CALN1: variants seen among roughly 807,000 people sequenced by gnomAD.
CALN1 encodes calcium-binding protein 8.
A neutral mutation model predicts 30.6 loss-of-function variants in CALN1; 17 were observed. The observed-to-expected ratio is 0.56, with a 90% CI of 0.38 to 0.83. The LOEUF (loss-of-function observed/expected upper bound fraction) is 0.83, where lower values mean the gene tolerates loss of function less well. Ranked by LOEUF, CALN1 falls within the 40% of genes least tolerant of loss-of-function variation. CALN1 has a pLI of 0.00. For synonymous variants in CALN1, 156 were observed against 131.4 expected (o/e 1.19, Z -1.28); for missense variants, 291 against 354.9 (o/e 0.82, Z 1.45).
chr7:72,381,246 A>G (rs971781774), intron 2 of CALN1, among the ~76,000 whole-genome samples: 29 of 152,252 alleles, frequency 1.9e-4, no homozygotes, highest in African/African-American at 6.7e-4. Context: ...TGAGAGTGTA[A>G]ATTAGTTCAA....
At chr7:72,443,725 T>C (rs1215697681) in intron 1 of CALN1, among the ~76,000 whole-genome samples, 1 of 151,788 alleles carries the variant, frequency 6.6e-6, no homozygotes, top group Admixed American at 6.6e-5. Context: ...CCCCCATCCC[T>C]TTACTTGAGA....
intron 5 of CALN1, among the ~76,000 whole-genome samples, chr7:71,850,248 G>C (rs1790559219): frequency 6.6e-6 from 1 of 151,924 alleles, no homozygotes; most frequent in Non-Finnish European, 1.5e-5. Context: ...TGGAGTCTTG[G>C]TCTGTCACCC....
At chr7:71,796,473 C>T (rs1786930584) in intron 6 of CALN1, among the ~76,000 whole-genome samples, 1 of 151,424 alleles carries the variant, frequency 6.6e-6, no homozygotes, top group Admixed American at 6.6e-5. Context: ...GATTCTCCTG[C>T]CTCAGCCTCC....
chr7:72,257,011 G>T (rs1795957309), intron 3 of CALN1, among the ~76,000 whole-genome samples: 1 of 152,174 alleles, frequency 6.6e-6, no homozygotes, highest in Non-Finnish European at 1.5e-5. Flanking sequence ...CCAAGACTTG[G>T]TAATTTATAA....
At chr7:71,991,234 A>C (rs528082937) in intron 5 of CALN1, among the ~76,000 whole-genome samples, 26 of 152,132 alleles carry the variant, frequency 1.7e-4, no homozygotes, top group Non-Finnish European at 3.5e-4. Flanking sequence ...CAAGGCGGGC[A>C]GATCATCTGC....
chr7:72,490,047 G>A, the CALN1 span, among the ~76,000 whole-genome samples: 1 of 152,200 alleles, frequency 6.6e-6, no homozygotes, highest in African/African-American at 2.4e-5. Context: ...CAAAGGAATT[G>A]CAAGTAAAGC....
intron 5 of CALN1, among the ~76,000 whole-genome samples, chr7:71,928,447 G>GC (rs1795381926): frequency 4.1e-5 from 4 of 97,710 alleles, no homozygotes; most frequent in African/African-American, 1.2e-4. Flanking sequence ...ACTTTTAATG[G>GC]CAAAAAAAAA....
At chr7:72,330,566 ATATTTTTTATTGTGTCT>A in intron 2 of CALN1, among the ~76,000 whole-genome samples, 1 of 151,788 alleles carries the variant, frequency 6.6e-6, no homozygotes, top group South Asian at 2.1e-4. Context: ...TTTTATTTCC[ATATTTTTTATTGTGTCT>A]TACACCACTA....
At chr7:72,005,905 G>T (rs73368104) in intron 5 of CALN1, among the ~76,000 whole-genome samples, 5,435 of 152,200 alleles carry the variant, frequency 0.036, 323 homozygotes, top group African/African-American at 0.12. Flanking sequence ...ACACACATGT[G>T]ATAAAACTGT....
intron 3 of CALN1, among the ~76,000 whole-genome samples, chr7:72,149,238 G>T (rs1787025224): frequency 6.6e-6 from 1 of 152,036 alleles, no homozygotes; most frequent in East Asian, 1.9e-4. Context: ...GACCGAGGCG[G>T]GTGGATCACT....
At chr7:71,797,793 C>T (rs1787017395) in intron 6 of CALN1, among the ~76,000 whole-genome samples, 1 of 152,134 alleles carries the variant, frequency 6.6e-6, no homozygotes, top group African/African-American at 2.4e-5. Context: ...GGGACCTTCA[C>T]CACCACTCCA....
intron 3 of CALN1, among the ~76,000 whole-genome samples, chr7:72,141,528 T>C (rs1392579086): frequency 6.6e-6 from 1 of 152,104 alleles, no homozygotes; most frequent in African/African-American, 2.4e-5. Context: ...CAACCTTTTG[T>C]GTCCGAGGGC....
intron 6 of CALN1, among the ~76,000 whole-genome samples, chr7:71,809,474 A>AAAAAAG (rs1554342800): frequency 1.3e-5 from 2 of 151,382 alleles, no homozygotes; most frequent in East Asian, 3.9e-4. Context: ...CAAAAAAAAA[A>AAAAAAG]AAAAGAAAAG....
At chr7:72,127,053 G>A (rs113376385) in intron 3 of CALN1, among the ~76,000 whole-genome samples, 7 of 152,034 alleles carry the variant, frequency 4.6e-5, no homozygotes, top group South Asian at 2.1e-4. Context: ...CCAAAGGAGA[G>A]GAAGTAGTGT....
Position 72,278,503 on chromosome 7 carries a change from A to G in CALN1, c.244+183T>C, listed in dbSNP as rs567955154. On this transcript the variant is annotated intron_variant, in intron 3 of 6. Transcript: ENST00000395275. Reference sequence around the variant, plus strand: ...CACACACACACACACACACACACACACACACACACACGTCACTTGGGCAAA... The same window carrying G: ...CACACACACACACACACACACACACGCACACACACACGTCACTTGGGCAAA... Among the ~76,000 whole-genome samples, 759 of 151,938 alleles carry G rather than the reference A, an allele frequency of 5.0e-3. 8 individuals are homozygous for G. Among genetic ancestry groups the G allele is most frequent in the African/African-American group, 0.018 (729 of 41,440 alleles).
intron 2 of CALN1, among the ~76,000 whole-genome samples, chr7:72,375,879 T>C (rs1804528059): frequency 6.6e-6 from 1 of 152,186 alleles, no homozygotes; most frequent in East Asian, 1.9e-4. Context: ...CTAGAACATT[T>C]CCACCACCCC....
chr7:71,924,255 GATTTCA>G (rs1795141601), intron 5 of CALN1, among the ~76,000 whole-genome samples: 1 of 149,764 alleles, frequency 6.7e-6, no homozygotes, highest in Non-Finnish European at 1.5e-5. Flanking sequence ...AAAAGATTAG[GATTTCA>G]GATCTTTTTA....
the CALN1 span, among the ~76,000 whole-genome samples, chr7:72,476,454 G>A: frequency 0.26 from 39,711 of 151,988 alleles, 5,888 homozygotes; most frequent in East Asian, 0.68. Context: ...TGTGTAAATC[G>A]TTGATAACCC....
chr7:71,822,454 G>A (rs1788652857), intron 5 of CALN1, among the ~76,000 whole-genome samples: 2 of 152,134 alleles, frequency 1.3e-5, no homozygotes, highest in South Asian at 4.1e-4. Context: ...CTCCATGTTG[G>A]TCAGGCTGGT....
Sources: allele counts gnomAD v4.1 joint callset (sites outside exome capture counted in the v4.1 genomes callset), GRCh38; gene constraint gnomAD v4.1.1; transcripts MANE v1.5; gene names NCBI Gene and HGNC (gene_info 2026-07-23, HGNC 2026-07-21).